Variants in BUD23 observed in about 807,000 individuals in gnomAD.
BUD23 encodes the protein BUD23 rRNA methyltransferase and ribosome maturation factor.
A neutral mutation model predicts 47.0 loss-of-function variants in BUD23; 34 were observed. The observed-to-expected ratio is 0.72, with a 90% confidence interval of 0.55 to 0.96. BUD23 has a LOEUF of 0.96. Among genes scored for constraint, BUD23 ranks in the 40% least tolerant of loss-of-function variants. The pLI is 0.00. For missense variants in BUD23, 343 were observed against 361.2 expected (o/e 0.95, Z 0.41); for synonymous variants, 124 against 132.0 (o/e 0.94, Z 0.41).
chr7:73,690,466 C>G (rs558857145), intron 5 of BUD23, among the ~76,000 whole-genome samples: 3 of 152,198 alleles, frequency 2.0e-5, no homozygotes, highest in Admixed American at 6.5e-5. Context: ...TGTGGGCAGA[C>G]AGCCTTGACA....
chr7:73,683,762 C>T lies in BUD23; in HGVS notation c.49-5C>T, dbSNP rs1319833125. The T allele has an allele frequency of 1.2e-6, 2 of 1,614,050 alleles. No homozygotes were observed. The highest frequency in any genetic ancestry group is 2.7e-5 in the African/African-American group (2 of 74,918). ...CCTCTACATGCCATTTTCTCTTTTTCGCAGTTTTATGACGAGACAGAAGCC... is the reference window on the plus strand; with the variant it reads ...CCTCTACATGCCATTTTCTCTTTTTTGCAGTTTTATGACGAGACAGAAGCC... On this transcript the variant is annotated splice_region_variant and splice_polypyrimidine_tract_variant and intron_variant, in intron 1 of 11. Coordinates refer to ENST00000265758, the MANE Select transcript of BUD23 (RefSeq NM_017528.5).
chr7:73,697,740 A>T, intron 11 of BUD23, 46 bp downstream of exon 11: 2 of 1,610,718 alleles, frequency 1.2e-6, no homozygotes, highest in Non-Finnish European at 1.7e-6. Context: ...GGGGTGGATG[A>T]CTATTGCCAT....
chr7:73,684,244 G>A (rs905347394), intron 2 of BUD23, among the ~76,000 whole-genome samples: 3 of 152,126 alleles, frequency 2.0e-5, no homozygotes, highest in African/African-American at 4.8e-5. Flanking sequence ...TAACTACTGA[G>A]TTGTAGCCAG....
intron 5 of BUD23, among the ~76,000 whole-genome samples, chr7:73,687,619 G>A (rs528959329): frequency 1.3e-5 from 2 of 151,832 alleles, no homozygotes; most frequent in South Asian, 2.1e-4. Flanking sequence ...TTGCTATGTT[G>A]CTCAGGCGAT....
At position 73,698,108 on chromosome 7, in the gene BUD23, C is replaced by T. The variant is rs1164773812; in HGVS notation, c.*222C>T. The T allele has an allele frequency of 2.3e-5, 3 of 131,538 alleles. No individual in the cohort carries two copies. The highest frequency in any genetic ancestry group is 4.3e-5 in the Non-Finnish European group (3 of 69,520). 8.1% of individuals were successfully genotyped at this position (131,538 alleles called of 1,614,324 possible). ...GCCAGGAGTTTGAGACCTGCCTGGG[C>T]AACATAATGAAACTTCCTTTCCAGG... On this transcript the variant is annotated 3_prime_UTR_variant, in exon 12 of 12. Transcript: ENST00000265758.
At chr7:73,693,216 C>A in intron 7 of BUD23, 113 bp from the exon 8 acceptor site, 1 of 1,010,824 alleles carries the variant, frequency 9.9e-7, no homozygotes, top group East Asian at 2.6e-5. Context: ...ACCTTAAGTT[C>A]TCCCAGGCAG....
intron 10 of BUD23, 104 bp downstream of exon 10, chr7:73,694,154 A>G (rs1798305157): frequency 8.2e-7 from 1 of 1,213,404 alleles, no homozygotes. Flanking sequence ...GGTCACATGC[A>G]GCAGGGACAC....
chr7:73,692,679 G>A, intron 7 of BUD23, 33 bp downstream of exon 7: 1 of 1,602,434 alleles, frequency 6.2e-7, no homozygotes, highest in South Asian at 1.1e-5. Flanking sequence ...GTGCCGGGGA[G>A]TTGGGGGACT....
Position 73,692,729 on chromosome 7 carries a change from A to G in BUD23, c.510+83A>G, listed in dbSNP as rs1440834975. ...TCCTGGGGAAGCGACAAAGAATCTT[A>G]TGCAGATTGGCGGGAAAAGGAGGAA... On this transcript the variant is annotated intron_variant, in intron 7 of 11. Transcript: ENST00000265758. 4.3e-6 allele frequency: 6 copies of G among 1,401,256 alleles called. No individual in the cohort carries two copies. In the Admixed American group the frequency reaches 9.3e-5, roughly 22 times the overall value. The allele number at this position is 1,401,256 out of a possible 1,614,324, so 86.8% of individuals were successfully genotyped here.
intron 10 of BUD23, chr7:73,697,214 G>A (rs2030998964): frequency 5.6e-6 from 3 of 534,752 alleles, no homozygotes; most frequent in Non-Finnish European, 1.0e-5. Flanking sequence ...CCAAGCTGTG[G>A]GACCCTAAGC....
chr7:73,689,075 A>G (rs1411328446), intron 5 of BUD23, among the ~76,000 whole-genome samples: 1 of 152,098 alleles, frequency 6.6e-6, no homozygotes. Context: ...TTGGAGACGG[A>G]TTCTTACTGT....
chr7:73,691,852 G>T (rs56335463), intron 6 of BUD23, among the ~76,000 whole-genome samples: 39,920 of 151,940 alleles, frequency 0.26, 6,375 homozygotes, highest in South Asian at 0.35. Context: ...CAATTGTCTG[G>T]CATCAGGCTC....
intron 2 of BUD23, among the ~76,000 whole-genome samples, chr7:73,684,857 G>A (rs1311458470): frequency 6.9e-6 from 1 of 145,546 alleles, no homozygotes; most frequent in Non-Finnish European, 1.5e-5. Context: ...CCGGGAGGGG[G>A]AGGTTGCAGT....
intron 9 of BUD23, 121 bp downstream of exon 9, chr7:73,693,790 G>T: frequency 7.1e-7 from 1 of 1,412,188 alleles, no homozygotes; most frequent in South Asian, 1.1e-5. Context: ...CCAGAGTGCA[G>T]ACCCTGGAGT....
In BUD23 at chr7:73,692,702, T is replaced by A. The variant is rs1422572564; in HGVS notation, c.510+56T>A. 7 of 1,540,862 alleles carry A rather than the reference T, an allele frequency of 4.5e-6. No individual in the cohort carries two copies. The East Asian group carries it at 1.4e-4, about 30-fold the overall frequency. ...GAGTTGGGGGACTCAACAGGTAAGCTGTCCTGGGGAAGCGACAAAGAATCT... is the reference window on the plus strand; with the variant it reads ...GAGTTGGGGGACTCAACAGGTAAGCAGTCCTGGGGAAGCGACAAAGAATCT... On this transcript the variant is annotated intron_variant, in intron 7 of 11. Coordinates refer to ENST00000265758, the MANE Select transcript of BUD23 (RefSeq NM_017528.5).
chr7:73,692,667 G>A (rs782600195), intron 7 of BUD23, 21 bp downstream of exon 7: 3 of 1,609,836 alleles, frequency 1.9e-6, no homozygotes, highest in East Asian at 2.2e-5. Context: ...CGGCTACTGG[G>A]TGTGCCGGGG....
rs1331462363 is a variant in BUD23 at position 73,687,092 on chromosome 7, T to A, written c.359T>A (p.Ile120Asn). ...PFKPGTFDGC[I>N]SISAVQWLCN... Reference sequence around the variant, plus strand: ...AAGCCAGGCACATTTGATGGTTGCATCAGGTGAGGGTCTTTAATTCCTGCT... The same window carrying A: ...AAGCCAGGCACATTTGATGGTTGCAACAGGTGAGGGTCTTTAATTCCTGCT... The change falls in exon 5 of 12, where the codon ATC (isoleucine) becomes AAC (asparagine). Residue 120 changes from isoleucine to asparagine, a missense_variant. By Grantham distance (149) the Ile-to-Asn change is moderately radical. Coordinates refer to ENST00000265758, the MANE Select transcript of BUD23 (RefSeq NM_017528.5). 2 of 1,613,286 alleles carry A rather than the reference T, an allele frequency of 1.2e-6. No homozygotes were observed. Among genetic ancestry groups the A allele is most frequent in the Non-Finnish European group, 1.7e-6 (2 of 1,180,010 alleles).
chr7:73,692,982 G>A, intron 7 of BUD23: 1 of 538,484 alleles, frequency 1.9e-6, no homozygotes, highest in Non-Finnish European at 3.3e-6. Flanking sequence ...GAATGGCGGA[G>A]TAGGATGTAG....
chr7:73,691,656 A>G (rs190338026), intron 6 of BUD23, among the ~76,000 whole-genome samples: 16 of 152,176 alleles, frequency 1.1e-4, no homozygotes, highest in African/African-American at 3.9e-4. Flanking sequence ...ATGGAGTGCA[A>G]TGGTGTGATC....
Sources: gnomAD v4.1 joint callset for allele counts (sites outside exome capture counted in the v4.1 genomes callset) on GRCh38, gnomAD v4.1.1 for gene constraint, MANE v1.5 for transcripts, NCBI Gene and HGNC (gene_info 2026-07-23, HGNC 2026-07-21) for gene names.